The following PLAG1 variants were observed in gnomAD, a reference collection of about 807,000 sequenced individuals.
PLAG1 encodes PLAG1 zinc finger, also known as zinc finger protein PLAG1.
PLAG1 carries 7 observed loss-of-function variants against 35.5 expected under a neutral mutation model. That is an observed-to-expected ratio of 0.20 (90% confidence interval 0.11 to 0.37). PLAG1 has a LOEUF of 0.37. Among genes scored for constraint, PLAG1 ranks in the 10% least tolerant of loss-of-function variants. The probability of loss-of-function intolerance (pLI) is 1.00; values close to 1 mark genes in which losing one functional copy is unlikely to be tolerated. For synonymous variants in PLAG1, 229 were observed against 225.4 expected, an observed-to-expected ratio of 1.02 and a Z score of -0.14; for missense variants, 454 against 602.8, an observed-to-expected ratio of 0.75 and a Z score of 2.58.
At chr8:56,201,877 T>C (rs1027509900) in intron 1 of PLAG1, among the ~76,000 whole-genome samples, 5 of 152,246 alleles carry the variant, frequency 3.3e-5, no homozygotes, top group Middle Eastern at 3.4e-3. Context: ...ATAAAAGTCA[T>C]GTTGCTAACG....
At chr8:56,203,192 T>C (rs1266711965) in intron 1 of PLAG1, among the ~76,000 whole-genome samples, 2 of 152,180 alleles carry the variant, frequency 1.3e-5, no homozygotes, top group Non-Finnish European at 2.9e-5. Context: ...TTTATATGTG[T>C]ATTTTGTACT....
Position 56,168,112 on chromosome 8 carries a change from G to T in PLAG1, c.158C>A (p.Ser53Tyr). 6.2e-7 allele frequency: 1 copy of T among 1,613,284 alleles called. No individual in the cohort carries two copies. The highest frequency in any genetic ancestry group is 1.1e-5 in the South Asian group (1 of 91,068). Reference protein sequence around the residue: ...FNSVEKLKVHSYSHTGERPYK... With the variant: ...FNSVEKLKVHYYSHTGERPYK... ...GGGCCTCTCTCCTGTGTGAGAGTAG[G>T]AGTGAACCTTTAATTTCTCAACACT... The change falls in exon 4 of 5, where the codon TCC becomes TAC. Residue 53 changes from serine (S) to tyrosine (Y), a missense_variant. Ser to Tyr is a moderately radical substitution (Grantham distance 144). Coordinates refer to ENST00000316981, the MANE Select transcript of PLAG1 (RefSeq NM_002655.3).
intron 1 of PLAG1, among the ~76,000 whole-genome samples, chr8:56,204,334 C>T (rs923794971): frequency 4.6e-5 from 7 of 151,580 alleles, no homozygotes; most frequent in African/African-American, 9.7e-5. Context: ...ATCAAGTTAC[C>T]GAGAAAATCT....
At chr8:56,195,366 C>T (rs895622928) in intron 1 of PLAG1, among the ~76,000 whole-genome samples, 18 of 152,176 alleles carry the variant, frequency 1.2e-4, no homozygotes, top group Non-Finnish European at 2.9e-5. Context: ...TGTGTAGGTG[C>T]CCTGAACAGT....
At chr8:56,191,085 C>T (rs1267632788) in intron 1 of PLAG1, among the ~76,000 whole-genome samples, 1 of 152,188 alleles carries the variant, frequency 6.6e-6, no homozygotes, top group African/African-American at 2.4e-5. Context: ...CAAACGACCA[C>T]AGGCCCTGGA....
In PLAG1 at chr8:56,163,366, GA is replaced by G. The variant is rs1336148066; in HGVS notation, c.*2876del. 118 of 194,076 alleles carry G rather than the reference GA, an allele frequency of 6.1e-4. No homozygotes were observed. In the East Asian group the frequency reaches 8.1e-3, roughly 13 times the overall value. 12.0% of individuals were successfully genotyped at this position (194,076 alleles called of 1,614,324 possible). A position where few individuals can be genotyped will look rare whatever the true frequency, so the allele number is the denominator to read the frequency against. On this transcript the variant is annotated 3_prime_UTR_variant, in exon 5 of 5. Transcript: ENST00000316981. ...TAGAAACAAACAATCTTTTTCTAGG[GA>G]AAAAAAAGCCAATTCTGTGTTACAT...
chr8:56,194,471 A>T (rs1334941270), intron 1 of PLAG1, among the ~76,000 whole-genome samples: 3 of 152,242 alleles, frequency 2.0e-5, no homozygotes, highest in Non-Finnish European at 4.4e-5. Context: ...AGGTGGCAGA[A>T]AATGGTGGCT....
intron 1 of PLAG1, among the ~76,000 whole-genome samples, chr8:56,187,880 T>C (rs1011789719): frequency 6.6e-6 from 1 of 152,136 alleles, no homozygotes; most frequent in Non-Finnish European, 1.5e-5. Flanking sequence ...TAAACCCAAA[T>C]CACAGCTAAA....
Position 56,191,127 on chromosome 8 carries a change from G to A in PLAG1, c.-321-11614C>T, listed in dbSNP as rs531536007. 9.2e-5 allele frequency among the ~76,000 whole-genome samples: 14 copies of A among 152,308 alleles called. No homozygotes were observed. The East Asian group carries it at 1.7e-3, about 19-fold the overall frequency. On this transcript the variant is annotated intron_variant, in intron 1 of 4. Coordinates refer to ENST00000316981, the MANE Select transcript of PLAG1 (RefSeq NM_002655.3). The stretch of plus-strand genomic sequence containing the variant: ...CCATCACTGCAGGCCTGCTTTACAC[G>A]CGCTGCTTTTAGATCACCCAGTAAT...
Position 56,192,538 on chromosome 8 carries a change from C to T in PLAG1, c.-321-13025G>A, listed in dbSNP as rs141251360. 4.0e-3 allele frequency among the ~76,000 whole-genome samples: 604 copies of T among 152,272 alleles called. 6 individuals are homozygous for T. The highest frequency in any genetic ancestry group is 0.014 in the African/African-American group (585 of 41,556). On this transcript the variant is annotated intron_variant, in intron 1 of 4. Transcript: ENST00000316981. ...AAGATACAAAACAAAGATCCCAATT[C>T]AATTTTTTAAAGTGTTACATAGTTT...
At chr8:56,209,896 A>T (rs538635529) in intron 1 of PLAG1, among the ~76,000 whole-genome samples, 1 of 152,330 alleles carries the variant, frequency 6.6e-6, no homozygotes, top group South Asian at 2.1e-4. Flanking sequence ...TTCCAATCAC[A>T]CATATTAACT....
chr8:56,185,440 G>C (rs542128041), intron 1 of PLAG1, among the ~76,000 whole-genome samples: 1 of 152,190 alleles, frequency 6.6e-6, no homozygotes, highest in South Asian at 2.1e-4. Context: ...AAAATGATGA[G>C]AAACTCATCA....
In PLAG1 at chr8:56,171,101, A is replaced by T; in HGVS notation, c.-128T>A. 1.1e-6 allele frequency: 1 copy of T among 949,642 alleles called. No homozygotes were observed. The highest frequency in any genetic ancestry group is 1.3e-6 in the Non-Finnish European group (1 of 796,930). 58.8% of individuals were successfully genotyped at this position (949,642 alleles called of 1,614,324 possible). ...TAGTTCAATGCATACCTGATTACTG[A>T]TGGAAAAAGCCTCAGACTTTGATCT... On this transcript the variant is annotated 5_prime_UTR_variant, in exon 3 of 5. Transcript: ENST00000316981.
intron 1 of PLAG1, among the ~76,000 whole-genome samples, chr8:56,210,004 A>G (rs2129237065): frequency 6.6e-6 from 1 of 152,330 alleles, no homozygotes; most frequent in East Asian, 1.9e-4. Context: ...TGTTTATCTT[A>G]TCTGAGATCA....
At chr8:56,208,492 G>A (rs548962543) in intron 1 of PLAG1, among the ~76,000 whole-genome samples, 48 of 152,296 alleles carry the variant, frequency 3.2e-4, no homozygotes, top group African/African-American at 1.2e-3. Flanking sequence ...AAAGTTGGAA[G>A]AACTCAGTTG....
At chr8:56,190,366 A>T (rs111503855) in intron 1 of PLAG1, among the ~76,000 whole-genome samples, 1,922 of 152,284 alleles carry the variant, frequency 0.013, 49 homozygotes, top group African/African-American at 0.043. Context: ...AGTAGCAGGG[A>T]AAGCCAGGAT....
At chr8:56,206,593 A>G (rs913513264) in intron 1 of PLAG1, among the ~76,000 whole-genome samples, 1 of 152,044 alleles carries the variant, frequency 6.6e-6, no homozygotes, top group Non-Finnish European at 1.5e-5. Flanking sequence ...TTCTAAAATC[A>G]GGTTAACTTT....
intron 1 of PLAG1, among the ~76,000 whole-genome samples, chr8:56,210,059 C>T (rs187418733): frequency 6.6e-6 from 1 of 152,142 alleles, no homozygotes; most frequent in Non-Finnish European, 1.5e-5. Context: ...CTACCACCTC[C>T]CCCCTCGCTC....
At chr8:56,180,563 T>C (rs1489540855) in intron 1 of PLAG1, among the ~76,000 whole-genome samples, 1 of 152,266 alleles carries the variant, frequency 6.6e-6, no homozygotes, top group African/African-American at 2.4e-5. Flanking sequence ...CTGAATGGTA[T>C]TGCCTAGGTT....
Sources: gnomAD v4.1 joint callset for allele counts (sites outside exome capture counted in the v4.1 genomes callset) on GRCh38, gnomAD v4.1.1 for gene constraint, MANE v1.5 for transcripts, NCBI Gene and HGNC (gene_info 2026-07-23, HGNC 2026-07-21) for gene names.